Variants in HEXB observed in about 807,000 individuals in gnomAD.
The protein encoded by HEXB is hexosaminidase subunit beta.
In HEXB, 51 loss-of-function variants were observed where a neutral mutation model predicts 71.2. The observed-to-expected ratio is 0.72, with a 90% CI of 0.57 to 0.90. The LOEUF (loss-of-function observed/expected upper bound fraction) is 0.90. Ranked by LOEUF, HEXB falls within the 40% of genes least tolerant of loss-of-function variation. HEXB has a pLI of 0.00. For missense variants in HEXB, 617 were observed against 677.0 expected, an observed-to-expected ratio of 0.91 and a Z score of 0.98; for synonymous variants, 266 against 249.3, an observed-to-expected ratio of 1.07 and a Z score of -0.63.
chr5:74,717,106 G>C (rs1749689562), intron 9 of HEXB, among the ~76,000 whole-genome samples: 1 of 152,178 alleles, frequency 6.6e-6, no homozygotes, highest in Admixed American at 6.5e-5. Context: ...AGAATCTCCT[G>C]GGAGATGGAG....
chr5:74,705,449 T>G, intron 6 of HEXB, 129 bp downstream of exon 6: 1 of 696,758 alleles, frequency 1.4e-6, no homozygotes, highest in South Asian at 1.6e-5. Context: ...GGTTTTTAAT[T>G]TTTTTGGCTG....
chr5:74,677,014 G>A (rs557089891), intron 1 of HEXB, among the ~76,000 whole-genome samples: 22 of 151,960 alleles, frequency 1.4e-4, no homozygotes, highest in African/African-American at 5.1e-4. Flanking sequence ...AGCCTCCCGA[G>A]TAACTGGGAT....
chr5:74,693,191 G>A (rs1392783476), intron 2 of HEXB, among the ~76,000 whole-genome samples: 2 of 152,144 alleles, frequency 1.3e-5, no homozygotes, highest in African/African-American at 4.8e-5. Flanking sequence ...CGACACCTAG[G>A]GCGTTACCAA....
chr5:74,675,932 A>C (rs921957168), intron 1 of HEXB, among the ~76,000 whole-genome samples: 2 of 152,244 alleles, frequency 1.3e-5, no homozygotes, highest in Non-Finnish European at 1.5e-5. Context: ...TAGCAGCAAC[A>C]AAAAGAATGA....
intron 1 of HEXB, among the ~76,000 whole-genome samples, chr5:74,669,091 A>T (rs1748487360): frequency 6.6e-6 from 1 of 152,112 alleles, no homozygotes; most frequent in South Asian, 2.1e-4. Flanking sequence ...AGCTGGGATG[A>T]CAGGAGCACA....
At chr5:74,647,241 G>A (rs1322225117) in intron 1 of HEXB, among the ~76,000 whole-genome samples, 1 of 152,236 alleles carries the variant, frequency 6.6e-6, no homozygotes. Flanking sequence ...GTTGTTTGAA[G>A]CAATGAAAAT....
Position 74,705,217 on chromosome 5 carries a change from A to T in HEXB, c.670-2A>T. ...ATAATTTTTAAATATGTTTGCTTGC[A>T]GGATGCCATGGCTTTTAATAAGTTT... On this transcript the variant is annotated splice_acceptor_variant, in intron 5 of 13. Coordinates refer to ENST00000261416, the MANE Select transcript of HEXB (RefSeq NM_000521.4). LOFTEE classifies it high-confidence loss of function. 1 of 1,571,972 alleles carries T rather than the reference A, an allele frequency of 6.4e-7. No homozygotes were observed. Among genetic ancestry groups the T allele is most frequent in the Non-Finnish European group, 8.8e-7 (1 of 1,141,862 alleles).
chr5:74,646,523 TACTGGGA>T (rs2112067836), intron 1 of HEXB, among the ~76,000 whole-genome samples: 1 of 152,206 alleles, frequency 6.6e-6, no homozygotes, highest in South Asian at 2.1e-4. Flanking sequence ...TCCTGTTTTG[TACTGGGA>T]CCACTGGTCT....
At chr5:74,640,975 G>C (rs1747856399) in intron 1 of HEXB, 1 of 152,438 alleles carries the variant, frequency 6.6e-6, no homozygotes, top group Non-Finnish European at 1.5e-5. Flanking sequence ...CGGACGCACT[G>C]TCTCAGCCGC....
At chr5:74,714,761 T>G (rs1311386721) in intron 7 of HEXB, among the ~76,000 whole-genome samples, 1 of 152,168 alleles carries the variant, frequency 6.6e-6, no homozygotes, top group Non-Finnish European at 1.5e-5. Flanking sequence ...TACCAAGCAT[T>G]TATAATTGCT....
intron 1 of HEXB, among the ~76,000 whole-genome samples, chr5:74,658,469 G>A (rs529871511): frequency 6.6e-6 from 1 of 152,152 alleles, no homozygotes; most frequent in Non-Finnish European, 1.5e-5. Context: ...TCACACCAGA[G>A]AGGCCATTTA....
chr5:74,643,604 T>C (rs890286189), intron 1 of HEXB, among the ~76,000 whole-genome samples: 1 of 152,226 alleles, frequency 6.6e-6, no homozygotes, highest in Non-Finnish European at 1.5e-5. Flanking sequence ...GGCTTTGGGC[T>C]TGTTATCTCC....
intron 5 of HEXB, among the ~76,000 whole-genome samples, chr5:74,700,089 C>T (rs1749226846): frequency 7.5e-6 from 1 of 132,972 alleles, no homozygotes; most frequent in African/African-American, 2.8e-5. Context: ...TCACTGTAAT[C>T]TCTGCCTCCT....
intron 1 of HEXB, among the ~76,000 whole-genome samples, chr5:74,677,343 C>T (rs1748649955): frequency 6.6e-6 from 1 of 152,100 alleles, no homozygotes; most frequent in Admixed American, 6.6e-5. Flanking sequence ...GCAGATTTCA[C>T]ATAGGTCAGA....
chr5:74,646,863 G>A (rs918973318), intron 1 of HEXB, among the ~76,000 whole-genome samples: 3 of 151,986 alleles, frequency 2.0e-5, no homozygotes, highest in Non-Finnish European at 2.9e-5. Context: ...CACCACGCCC[G>A]GCAACAATTC....
intron 6 of HEXB, among the ~76,000 whole-genome samples, chr5:74,709,065 A>G (rs1749475450): frequency 6.6e-6 from 1 of 151,968 alleles, no homozygotes; most frequent in African/African-American, 2.4e-5. Flanking sequence ...CAGCAAATGT[A>G]AAAGAACAGA....
intron 1 of HEXB, among the ~76,000 whole-genome samples, chr5:74,665,344 T>G (rs982573648): frequency 2.0e-5 from 3 of 152,240 alleles, no homozygotes; most frequent in African/African-American, 7.2e-5. Context: ...TTTTTTGTAC[T>G]TCTTTTCCTA....
At chr5:74,664,022 G>A (rs1055944188) in intron 1 of HEXB, among the ~76,000 whole-genome samples, 13 of 152,098 alleles carry the variant, frequency 8.5e-5, no homozygotes, top group African/African-American at 2.7e-4. Context: ...TTGGGAGGCC[G>A]AGGCAGGTGG....
chr5:74,661,036 G>T (rs1188354173), intron 1 of HEXB, among the ~76,000 whole-genome samples: 3 of 151,914 alleles, frequency 2.0e-5, no homozygotes, highest in African/African-American at 7.3e-5. Context: ...GAGAGATAGA[G>T]AGAGAGAGAG....
Sources: allele counts gnomAD v4.1 joint callset (sites outside exome capture counted in the v4.1 genomes callset), GRCh38; gene constraint gnomAD v4.1.1; transcripts MANE v1.5; gene names NCBI Gene and HGNC (gene_info 2026-07-23, HGNC 2026-07-21).